The following ATP10D variants were observed in gnomAD, a reference collection of about 807,000 sequenced individuals.
The protein encoded by ATP10D is ATPase phospholipid transporting 10D (putative).
In ATP10D, 89 loss-of-function variants were observed where a neutral mutation model predicts 144.8. The observed-to-expected ratio is 0.61, with a 90% CI of 0.52 to 0.73. The LOEUF (loss-of-function observed/expected upper bound fraction) is 0.73, where lower values mean the gene tolerates loss of function less well. ATP10D is among the 30% of genes least tolerant of loss of function. The pLI is 0.00. For synonymous variants in ATP10D, 571 were observed against 615.1 expected (o/e 0.93, Z 1.06); for missense variants, 1,603 against 1,714.8 (o/e 0.93, Z 1.15).
At chr4:47,494,110 T>C (rs1284078557) in intron 1 of ATP10D, among the ~76,000 whole-genome samples, 1 of 152,152 alleles carries the variant, frequency 6.6e-6, no homozygotes, top group East Asian at 1.9e-4. Context: ...AAAGTTTGTG[T>C]TGGATAGGTT....
chr4:47,563,415 A>G (rs1263422943), intron 14 of ATP10D, among the ~76,000 whole-genome samples, 166 bp from the exon 15 acceptor site: 1 of 152,104 alleles, frequency 6.6e-6, no homozygotes, highest in African/African-American at 2.4e-5. Context: ...CATTGCATAT[A>G]ATTTTGGTCT....
At chr4:47,537,965 C>T (rs1717936229) in intron 9 of ATP10D, among the ~76,000 whole-genome samples, 1 of 152,128 alleles carries the variant, frequency 6.6e-6, no homozygotes, top group African/African-American at 2.4e-5. Context: ...ATTCATTATG[C>T]ATCTTGGTAC....
At chr4:47,577,568 C>T (rs1356225057) in intron 19 of ATP10D, among the ~76,000 whole-genome samples, 1 of 152,156 alleles carries the variant, frequency 6.6e-6, no homozygotes, top group Non-Finnish European at 1.5e-5. Flanking sequence ...ATAGCAAGCT[C>T]TCAATGTTGT....
chr4:47,572,087 A>T (rs1048324016), intron 16 of ATP10D, 67 bp from the exon 17 acceptor site: 1 of 1,425,772 alleles, frequency 7.0e-7, no homozygotes, highest in African/African-American at 1.4e-5. Flanking sequence ...GCCCCTATTG[A>T]TTTGCAACAT....
chr4:47,552,027 T>C (rs1718756942), intron 10 of ATP10D, among the ~76,000 whole-genome samples: 1 of 152,212 alleles, frequency 6.6e-6, no homozygotes, highest in Non-Finnish European at 1.5e-5. Context: ...TCTTCTGGGC[T>C]CTTTTATGTA....
rs5858072 is a variant in ATP10D, at chr4:47,496,156, CT to C, written c.-38+10655del. 8.5e-3 allele frequency among the ~76,000 whole-genome samples: 1,131 copies of C among 132,832 alleles called. 10 individuals are homozygous for C. The highest frequency in any genetic ancestry group is 0.03 in the African/African-American group (1,048 of 34,870). 87.1% of individuals were successfully genotyped at this position (132,832 alleles called of 152,430 possible). ...CATTTGTGTAGTGACTTTCCTTTTT[CT>C]TTTTTTTTTTTTTTTTTGAGACGGA... On this transcript the variant is annotated intron_variant, in intron 1 of 22. Transcript: ENST00000273859.
At chr4:47,508,821 G>A (rs566778370) in intron 1 of ATP10D, among the ~76,000 whole-genome samples, 94 of 152,274 alleles carry the variant, frequency 6.2e-4, no homozygotes, top group African/African-American at 2.0e-3. Flanking sequence ...TGTGCTTGCC[G>A]ACACTCTGAT....
chr4:47,558,815 G>C, intron 12 of ATP10D, 108 bp from the exon 13 acceptor site: 1 of 867,210 alleles, frequency 1.2e-6, no homozygotes, highest in Non-Finnish European at 1.8e-6. Flanking sequence ...AAACCAGAAG[G>C]CTTTTTTATT....
At chr4:47,547,413 A>G (rs1718496895) in intron 10 of ATP10D, 1 of 156,020 alleles carries the variant, frequency 6.4e-6, no homozygotes, top group Admixed American at 6.2e-5. Context: ...AAGTGTCAGG[A>G]ACTGTCTAGT....
chr4:47,525,239 T>C (rs781015978), intron 4 of ATP10D, among the ~76,000 whole-genome samples: 5 of 152,224 alleles, frequency 3.3e-5, no homozygotes, highest in Non-Finnish European at 7.3e-5. Context: ...AAAAGTATTT[T>C]CAGTTTTTCA....
intron 3 of ATP10D, among the ~76,000 whole-genome samples, chr4:47,516,091 G>C (rs368282270): frequency 6.6e-6 from 1 of 152,072 alleles, no homozygotes; most frequent in South Asian, 2.1e-4. Context: ...TTAGCCGGAC[G>C]TGGTGGCAGG....
chr4:47,558,194 C>G lies in ATP10D; in HGVS notation c.2355C>G (p.His785Gln), dbSNP rs1349388348. The G allele has an allele frequency of 2.5e-6, 4 of 1,614,064 alleles. No individual in the cohort carries two copies. Among genetic ancestry groups the G allele is most frequent in the Non-Finnish European group, 3.4e-6 (4 of 1,180,036 alleles). The part of the protein sequence containing the change: ...VRKRMSVVVR[H>Q]PLSNQVVVYT... ...AAAGAATGTCTGTTGTGGTCCGACA[C>G]CCTCTTTCCAATCAAGTTGTGGTGT... Residue 785 changes from histidine (H) to glutamine (Q), a missense_variant, in exon 12 of 23, where the codon CAC (histidine) becomes CAG (glutamine). Transcript: ENST00000273859.
At chr4:47,572,113 A>T (rs755241979) in intron 16 of ATP10D, 41 bp from the exon 17 acceptor site, 1 of 1,574,036 alleles carries the variant, frequency 6.4e-7, no homozygotes, top group Admixed American at 1.7e-5. Context: ...CCCTTTCTTT[A>T]CTCCTCATAT....
chr4:47,525,520 T>G (rs6447564), intron 4 of ATP10D, 37 bp from the exon 5 acceptor site: 237,845 of 1,452,974 alleles, frequency 0.16, 21,453 homozygotes, highest in South Asian at 0.24. Flanking sequence ...GGGTTTAACC[T>G]TGAATTCTTA....
chr4:47,494,211 GAGTA>G (rs1281023777), intron 1 of ATP10D, among the ~76,000 whole-genome samples: 1 of 152,136 alleles, frequency 6.6e-6, no homozygotes, highest in Non-Finnish European at 1.5e-5. Flanking sequence ...AAGGGAAAAA[GAGTA>G]AGACTTTTTC....
intron 12 of ATP10D, 51 bp from the exon 13 acceptor site, chr4:47,558,872 C>A: frequency 7.2e-7 from 1 of 1,389,592 alleles, no homozygotes; most frequent in Non-Finnish European, 1.0e-6. Flanking sequence ...AAAAGTATTT[C>A]TGTAATTTGG....
chr4:47,589,155 A>G (rs533444309), intron 22 of ATP10D, among the ~76,000 whole-genome samples: 1 of 152,298 alleles, frequency 6.6e-6, no homozygotes, highest in African/African-American at 2.4e-5. Context: ...AGCCACCAGA[A>G]GCTGGAAGAG....
At chr4:47,560,314 A>G (rs1241656418) in intron 13 of ATP10D, 1 of 152,194 alleles carries the variant, frequency 6.6e-6, no homozygotes, top group African/African-American at 2.4e-5. Context: ...ATTTCATTCA[A>G]TTTTTCTTTG....
intron 9 of ATP10D, among the ~76,000 whole-genome samples, chr4:47,544,531 G>T (rs140959158): frequency 1.1e-3 from 161 of 152,310 alleles, no homozygotes; most frequent in African/African-American, 3.7e-3. Context: ...TGTTTAGGCA[G>T]ATTATATGAT....
Sources: allele counts gnomAD v4.1 joint callset (sites outside exome capture counted in the v4.1 genomes callset), GRCh38; gene constraint gnomAD v4.1.1; transcripts MANE v1.5; gene names NCBI Gene and HGNC (gene_info 2026-07-23, HGNC 2026-07-21).